SPOCK1: variants seen among roughly 807,000 people sequenced by gnomAD.
SPOCK1 encodes the protein SPARC (osteonectin), cwcv and kazal like domains proteoglycan 1, also known as testican-1.
SPOCK1 carries 23 observed loss-of-function variants against 55.3 expected under a neutral mutation model. The observed-to-expected ratio is 0.42, with a 90% CI of 0.30 to 0.59. The LOEUF is 0.59. Ranked by LOEUF, SPOCK1 falls within the 20% of genes least tolerant of loss-of-function variation. The pLI is 0.22. For synonymous variants in SPOCK1, 226 were observed against 221.0 expected (o/e 1.02, Z -0.20); for missense variants, 499 against 552.5 (o/e 0.90, Z 0.97).
intron 2 of SPOCK1, among the ~76,000 whole-genome samples, chr5:137,297,996 T>C (rs1160855883): frequency 1.3e-5 from 2 of 152,146 alleles, no homozygotes. Flanking sequence ...GAGAAGTCTG[T>C]CTCTGGAATC....
intron 2 of SPOCK1, among the ~76,000 whole-genome samples, chr5:137,471,183 G>A (rs1014618845): frequency 4.6e-5 from 7 of 152,208 alleles, no homozygotes; most frequent in African/African-American, 1.7e-4. Context: ...GAGCCACATA[G>A]GGTGATCCTG....
At chr5:137,135,450 T>G (rs1263414296) in intron 4 of SPOCK1, among the ~76,000 whole-genome samples, 1 of 152,176 alleles carries the variant, frequency 6.6e-6, no homozygotes, top group East Asian at 1.9e-4. Flanking sequence ...ACATTTTTCT[T>G]AAGAATGCCT....
chr5:137,261,558 G>A (rs2127112933), intron 3 of SPOCK1, among the ~76,000 whole-genome samples: 1 of 152,258 alleles, frequency 6.6e-6, no homozygotes, highest in Non-Finnish European at 1.5e-5. Flanking sequence ...GAGTGAAAGG[G>A]GCCCCTGACT....
At chr5:137,349,030 T>C (rs1263164522) in intron 2 of SPOCK1, among the ~76,000 whole-genome samples, 1 of 152,156 alleles carries the variant, frequency 6.6e-6, no homozygotes, top group Admixed American at 6.5e-5. Context: ...TTACACAATG[T>C]TGGAGAAACT....
At chr5:137,119,874 T>C (rs1753654978) in intron 4 of SPOCK1, among the ~76,000 whole-genome samples, 1 of 152,212 alleles carries the variant, frequency 6.6e-6, no homozygotes, top group Admixed American at 6.5e-5. Context: ...TCCAGCTCCT[T>C]TAACATACCA....
intron 2 of SPOCK1, among the ~76,000 whole-genome samples, chr5:137,445,568 GT>G (rs1753107171): frequency 6.6e-6 from 1 of 152,208 alleles, no homozygotes; most frequent in Non-Finnish European, 1.5e-5. Context: ...GGGAGTCAAA[GT>G]TGAATGCAAA....
intron 2 of SPOCK1, among the ~76,000 whole-genome samples, chr5:137,476,327 G>GCAT (rs988768958): frequency 6.6e-6 from 1 of 152,178 alleles, no homozygotes; most frequent in African/African-American, 2.4e-5. Flanking sequence ...ACAAAACAGA[G>GCAT]CAGATAAGAA....
intron 6 of SPOCK1, among the ~76,000 whole-genome samples, chr5:137,026,839 A>G (rs1751685671): frequency 6.6e-6 from 1 of 152,152 alleles, no homozygotes; most frequent in African/African-American, 2.4e-5. Flanking sequence ...GGCTTGGTGG[A>G]CTTGTTCTAG....
chr5:137,247,958 C>T (rs1371813772), intron 3 of SPOCK1, among the ~76,000 whole-genome samples: 1 of 152,188 alleles, frequency 6.6e-6, no homozygotes, highest in South Asian at 2.1e-4. Context: ...CACCTCCTAA[C>T]ATCGAAACAT....
chr5:137,044,151 T>C (rs1705076187), intron 6 of SPOCK1, among the ~76,000 whole-genome samples: 3 of 152,166 alleles, frequency 2.0e-5, no homozygotes, highest in African/African-American at 7.2e-5. Flanking sequence ...GTTCTAAGCA[T>C]AAAGAATGAC....
intron 3 of SPOCK1, among the ~76,000 whole-genome samples, chr5:137,246,047 C>T (rs918455816): frequency 6.6e-6 from 1 of 152,226 alleles, no homozygotes; most frequent in African/African-American, 2.4e-5. Flanking sequence ...CTTAGTTGTC[C>T]TCTATGTCCT....
In SPOCK1 at chr5:137,350,795, TTGTGTG is replaced by T. The variant is rs111548796; in HGVS notation, c.187-83746_187-83741del. The stretch of plus-strand genomic sequence containing the variant: ...AAAAGCAGGAAGGAATCATATAGGG[TTGTGTG>T]TGTGTGTGTGTGTGTGTCCACGCAC... On this transcript the variant is annotated intron_variant, in intron 2 of 10. Coordinates refer to ENST00000394945, the MANE Select transcript of SPOCK1 (RefSeq NM_004598.4). Among the ~76,000 whole-genome samples the T allele has an allele frequency of 2.2e-3, 327 of 148,478 alleles. No homozygotes were observed. In the Middle Eastern group the frequency reaches 0.038, roughly 17 times the overall value.
At chr5:137,095,342 T>TAA (rs112149143) in intron 5 of SPOCK1, among the ~76,000 whole-genome samples, 107 of 152,114 alleles carry the variant, frequency 7.0e-4, no homozygotes, top group African/African-American at 2.5e-3. Context: ...CTCCAATTTG[T>TAA]AAAAAAAACC....
intron 2 of SPOCK1, among the ~76,000 whole-genome samples, chr5:137,287,895 C>T (rs1250503749): frequency 1.3e-5 from 2 of 152,020 alleles, no homozygotes; most frequent in Non-Finnish European, 2.9e-5. Flanking sequence ...AAGTCACAAG[C>T]CATAAAATTG....
chr5:137,125,330 T>C (rs1416640212), intron 4 of SPOCK1, among the ~76,000 whole-genome samples: 1 of 151,906 alleles, frequency 6.6e-6, no homozygotes, highest in African/African-American at 2.4e-5. Context: ...TGCAAGTGAG[T>C]GGTAAGAGCA....
chr5:137,394,712 G>A (rs1243130126), intron 2 of SPOCK1, among the ~76,000 whole-genome samples: 2 of 152,212 alleles, frequency 1.3e-5, no homozygotes, highest in Admixed American at 6.5e-5. Context: ...CCACAAGAAT[G>A]AGAAAGCCAG....
chr5:136,993,158 G>A (rs1458448709), intron 6 of SPOCK1: 1 of 152,286 alleles, frequency 6.6e-6, no homozygotes, highest in Non-Finnish European at 1.5e-5. Context: ...ACTGTAAACA[G>A]ATGGATGCCT....
intron 9 of SPOCK1, among the ~76,000 whole-genome samples, chr5:136,980,220 G>A (rs1394166852): frequency 6.8e-6 from 1 of 147,752 alleles, no homozygotes; most frequent in Non-Finnish European, 1.5e-5. Context: ...GAGTTAATTT[G>A]CCCAATGTTA....
At chr5:137,350,351 C>G (rs901689750) in intron 2 of SPOCK1, among the ~76,000 whole-genome samples, 2 of 152,226 alleles carry the variant, frequency 1.3e-5, no homozygotes, top group African/African-American at 4.8e-5. Flanking sequence ...GTGTAACTAA[C>G]TACCCCAAAA....
Sources: gnomAD v4.1 joint callset for allele counts (sites outside exome capture counted in the v4.1 genomes callset) on GRCh38, gnomAD v4.1.1 for gene constraint, MANE v1.5 for transcripts, NCBI Gene and HGNC (gene_info 2026-07-23, HGNC 2026-07-21) for gene names.